SIN3A: variants seen among roughly 807,000 people sequenced by gnomAD.
The protein encoded by SIN3A is paired amphipathic helix protein Sin3a.
Under a neutral mutation model 146.1 loss-of-function variants are expected in SIN3A, and 14 were observed. The ratio of observed to expected loss-of-function variants is 0.10; its 90% CI spans 0.06 to 0.15. SIN3A has a LOEUF of 0.15. Ranked by LOEUF, SIN3A falls within the 10% of genes least tolerant of loss-of-function variation. The pLI is 1.00. For missense variants in SIN3A, 1,028 were observed against 1,576.0 expected (o/e 0.65, Z 5.89); for synonymous variants, 572 against 572.0 (o/e 1.00, Z 0.00).
intron 19 of SIN3A, among the ~76,000 whole-genome samples, chr15:75,378,601 G>A (rs1212851963): frequency 2.0e-5 from 3 of 152,120 alleles, no homozygotes; most frequent in Admixed American, 6.6e-5. Context: ...ATCACTGGTA[G>A]TTTTGTTGTC....
At chr15:75,423,340 TA>T (rs2073871112) in intron 2 of SIN3A, among the ~76,000 whole-genome samples, 1 of 151,904 alleles carries the variant, frequency 6.6e-6, no homozygotes, top group Non-Finnish European at 1.5e-5. Context: ...ACTGGTTAAA[TA>T]AATTACAGCC....
chr15:75,421,699 A>C (rs1259759950), intron 3 of SIN3A: 1 of 152,242 alleles, frequency 6.6e-6, no homozygotes, highest in Non-Finnish European at 1.5e-5. Context: ...TGAAGATTTA[A>C]CATCTCTTCA....
At chr15:75,404,586 C>G (rs969184643) in intron 9 of SIN3A, among the ~76,000 whole-genome samples, 2 of 151,862 alleles carry the variant, frequency 1.3e-5, no homozygotes, top group Admixed American at 1.3e-4. Context: ...ATAGTGAAAC[C>G]CTGTCTCTAC....
intron 5 of SIN3A, 38 bp from the exon 6 acceptor site, chr15:75,411,781 T>C (rs1446599231): frequency 3.9e-6 from 6 of 1,530,476 alleles, no homozygotes; most frequent in Non-Finnish European, 5.3e-6. Flanking sequence ...TTCAGATGCA[T>C]AGATGAGTTG....
intron 4 of SIN3A, 49 bp from the exon 5 acceptor site, chr15:75,413,094 C>T (rs1460572621): frequency 8.5e-6 from 13 of 1,522,312 alleles, no homozygotes; most frequent in Non-Finnish European, 1.1e-5. Flanking sequence ...TTAACAAACA[C>T]CCTGTTAAGA....
upstream of SIN3A, among the ~76,000 whole-genome samples, chr15:75,455,351 G>C (rs2074474557): frequency 6.6e-6 from 1 of 152,182 alleles, no homozygotes; most frequent in South Asian, 2.1e-4. Context: ...CTCCGGCCCG[G>C]TTCTAGTCGG....
chr15:75,436,726 C>A, intron 1 of SIN3A, among the ~76,000 whole-genome samples: 1 of 150,268 alleles, frequency 6.7e-6, no homozygotes. Flanking sequence ...TTGATAAAGT[C>A]TTGGAAAAAA....
chr15:75,434,506 C>T (rs539545632), intron 1 of SIN3A, among the ~76,000 whole-genome samples: 87 of 152,056 alleles, frequency 5.7e-4, no homozygotes, highest in African/African-American at 1.9e-3. Context: ...AAAAATTAGC[C>T]GGGTGTGGTT....
intron 19 of SIN3A, among the ~76,000 whole-genome samples, chr15:75,379,569 GACA>G (rs2072927400): frequency 6.6e-6 from 1 of 152,242 alleles, no homozygotes; most frequent in Non-Finnish European, 1.5e-5. Context: ...AGAGGAACCT[GACA>G]CAGAGCAACT....
intron 1 of SIN3A, among the ~76,000 whole-genome samples, chr15:75,449,442 A>C (rs1299431105): frequency 6.6e-6 from 1 of 152,242 alleles, no homozygotes; most frequent in Non-Finnish European, 1.5e-5. Flanking sequence ...TTCTCATGAA[A>C]AATGTGAAAA....
At chr15:75,432,860 T>C (rs958629833) in intron 1 of SIN3A, among the ~76,000 whole-genome samples, 1 of 151,880 alleles carries the variant, frequency 6.6e-6, no homozygotes, top group African/African-American at 2.4e-5. Flanking sequence ...CAGGCCAACA[T>C]GGTGAAACCC....
At chr15:75,389,583 T>C (rs1201405015) in intron 16 of SIN3A, 69 bp downstream of exon 16, 1 of 1,518,510 alleles carries the variant, frequency 6.6e-7, no homozygotes, top group African/African-American at 1.4e-5. Flanking sequence ...CCTTTCCTTT[T>C]CCTTGCGTGG....
At chr15:75,448,191 A>G (rs2074340749) in intron 1 of SIN3A, 1 of 144,214 alleles carries the variant, frequency 6.9e-6, no homozygotes, top group Non-Finnish European at 1.5e-5. Context: ...AAAAAAAAAA[A>G]AGACATGAGA....
intron 15 of SIN3A, among the ~76,000 whole-genome samples, chr15:75,391,236 G>T (rs1029347242): frequency 6.6e-6 from 1 of 152,124 alleles, no homozygotes; most frequent in Non-Finnish European, 1.5e-5. Flanking sequence ...AACAAGCTGT[G>T]GTAAGTGTGA....
intron 1 of SIN3A, among the ~76,000 whole-genome samples, chr15:75,430,827 G>C (rs997887523): frequency 6.6e-6 from 1 of 151,390 alleles, no homozygotes; most frequent in Non-Finnish European, 1.5e-5. Flanking sequence ...CCCAGGCTGA[G>C]TGCAGTGGTG....
intron 1 of SIN3A, chr15:75,443,739 A>C (rs995801915): frequency 2.6e-5 from 4 of 152,164 alleles, no homozygotes; most frequent in African/African-American, 9.7e-5. Context: ...AAGTTGCTGT[A>C]AGTTTTGGGA....
chr15:75,437,931 G>C (rs1377808345), intron 1 of SIN3A, among the ~76,000 whole-genome samples: 1 of 152,110 alleles, frequency 6.6e-6, no homozygotes, highest in Admixed American at 6.6e-5. Flanking sequence ...GAGGAGGAAG[G>C]ATCATTTGAG....
At chr15:75,378,067 T>C (rs2072897446) in intron 19 of SIN3A, among the ~76,000 whole-genome samples, 1 of 152,244 alleles carries the variant, frequency 6.6e-6, no homozygotes, top group Admixed American at 6.5e-5. Context: ...ATTAAATCAA[T>C]GTGATTTCTT....
Position 75,372,131 on chromosome 15 carries a change from G to A in SIN3A, c.3670C>T (p.Arg1224Cys), listed in dbSNP as rs142724257. The stretch of plus-strand genomic sequence containing the variant: ...TTGCTGGTCTCTGCTGCCATTTCAC[G>A]GGGCACATGCTCCTTGGTCCATTTA... ...VDKWTKEHVP[R>C]EMAAETSKWL... Residue 1224 changes from arginine (R) to cysteine (C), a missense_variant, in exon 21 of 21, where the codon CGT becomes TGT. Physicochemically the swap from Arg to Cys is radical, Grantham distance 180 (BLOSUM62 -3). Transcript: ENST00000394947. 224 of 1,614,112 alleles carry A rather than the reference G, an allele frequency of 1.4e-4. No homozygotes were observed. Among genetic ancestry groups the A allele is most frequent in the Middle Eastern group, 9.9e-4 (6 of 6,062 alleles).
Sources: gnomAD v4.1 joint callset for allele counts (sites outside exome capture counted in the v4.1 genomes callset) on GRCh38, gnomAD v4.1.1 for gene constraint, MANE v1.5 for transcripts, NCBI Gene and HGNC (gene_info 2026-07-23, HGNC 2026-07-21) for gene names.